PALM2AKAP2: variants seen among roughly 807,000 people sequenced by gnomAD.
PALM2AKAP2 encodes PALM2-AKAP2 fusion protein.
PALM2AKAP2 carries 37 observed loss-of-function variants against 71.5 expected under a neutral mutation model. That is an observed-to-expected ratio of 0.52 (90% confidence interval 0.40 to 0.68). PALM2AKAP2 has a LOEUF of 0.68. PALM2AKAP2 is among the 30% of genes least tolerant of loss of function. The pLI, the probability that PALM2AKAP2 is intolerant of heterozygous loss-of-function variation, is 0.00. For missense variants in PALM2AKAP2, 1,224 were observed against 1,191.8 expected, an observed-to-expected ratio of 1.03 and a Z score of -0.40; for synonymous variants, 468 against 478.8, an observed-to-expected ratio of 0.98 and a Z score of 0.29.
At chr9:109,987,504 T>A (rs1249443627) in intron 6 of PALM2AKAP2, among the ~76,000 whole-genome samples, 2 of 152,214 alleles carry the variant, frequency 1.3e-5, no homozygotes, top group East Asian at 3.8e-4. Context: ...ACTTGCTATC[T>A]TTTGGGCATT....
chr9:109,760,016 G>A lies in PALM2AKAP2; in HGVS notation c.6-20472G>A, dbSNP rs186651596. ...CAAAATGAAGATACAGAACATTTCC[G>A]TCACCACAGTGTTCTCTTGGTACTT... On this transcript the variant is annotated intron_variant, in intron 1 of 6. Transcript: ENST00000374531. 2.8e-4 allele frequency among the ~76,000 whole-genome samples: 43 copies of A among 152,096 alleles called. No individual in the cohort carries two copies. In the East Asian group the frequency reaches 2.9e-3, roughly 10 times the overall value.
intron 1 of PALM2AKAP2, among the ~76,000 whole-genome samples, chr9:109,704,760 A>C (rs767006645): frequency 5.9e-5 from 9 of 152,162 alleles, no homozygotes; most frequent in Non-Finnish European, 1.2e-4. Context: ...TGAGAACAAC[A>C]TAAAACAATA....
At chr9:109,669,794 C>G (rs1479480678) in intron 1 of PALM2AKAP2, among the ~76,000 whole-genome samples, 1 of 151,828 alleles carries the variant, frequency 6.6e-6, no homozygotes, top group Admixed American at 6.6e-5. Context: ...ACTGATGCCC[C>G]CTTTCATTCC....
chr9:109,947,344 G>T (rs1831532376), intron 6 of PALM2AKAP2, among the ~76,000 whole-genome samples: 1 of 152,234 alleles, frequency 6.6e-6, no homozygotes, highest in East Asian at 1.9e-4. Flanking sequence ...AAGTATAAGA[G>T]AGAGTTTCCT....
At chr9:110,039,246 C>T (rs1588072313) in intron 7 of PALM2AKAP2, among the ~76,000 whole-genome samples, 1 of 152,136 alleles carries the variant, frequency 6.6e-6, no homozygotes, top group East Asian at 1.9e-4. Context: ...GAGACCCTCT[C>T]TCAATAAATA....
At chr9:110,090,121 CA>C in intron 1 of PALM2AKAP2, 1 of 284,182 alleles carries the variant, frequency 3.5e-6, no homozygotes, top group Non-Finnish European at 7.1e-6. Context: ...AACATGGTTC[CA>C]AAGTGTACCT....
intron 2 of PALM2AKAP2, among the ~76,000 whole-genome samples, chr9:109,879,682 C>A (rs1829802354): frequency 2.0e-5 from 3 of 149,816 alleles, no homozygotes. Context: ...AGTACACTTG[C>A]AAACATGGGA....
chr9:110,006,555 G>A (rs1006366543), intron 6 of PALM2AKAP2, among the ~76,000 whole-genome samples: 3 of 151,746 alleles, frequency 2.0e-5, no homozygotes, highest in Admixed American at 2.0e-4. Context: ...TAGAGATGGG[G>A]TCTCGCCATG....
At chr9:109,640,838 C>A in exon 1 of PALM2AKAP2, 3 of 1,517,020 alleles carry the variant, frequency 2.0e-6, no homozygotes, top group Non-Finnish European at 2.6e-6. Context: ...CCCGCAGCAG[C>A]GCACCCGGCC....
At chr9:109,816,540 A>G (rs1317297180) in intron 1 of PALM2AKAP2, among the ~76,000 whole-genome samples, 2 of 152,208 alleles carry the variant, frequency 1.3e-5, no homozygotes. Flanking sequence ...TGATGAGGCC[A>G]GATTTCAGCC....
In PALM2AKAP2 at chr9:110,016,228, G is replaced by A. The variant is rs1832978323; in HGVS notation, c.582+189G>A. On this transcript the variant is annotated intron_variant, in intron 7 of 9. Coordinates refer to the PALM2AKAP2 transcript ENST00000302798. ...GAAATTTGGGATCTGGTCTACAGCC[G>A]TACCACCCTGAATATGCCCGACCTC... Among the ~76,000 whole-genome samples, 4 of 152,102 alleles carry A rather than the reference G, an allele frequency of 2.6e-5. No individual in the cohort carries two copies. The South Asian group carries it at 6.2e-4, about 24-fold the overall frequency.
At chr9:109,652,890 G>A (rs1827245812) in intron 1 of PALM2AKAP2, among the ~76,000 whole-genome samples, 2 of 152,174 alleles carry the variant, frequency 1.3e-5, no homozygotes, top group African/African-American at 4.8e-5. Context: ...CATAGCCTTG[G>A]GGCAGGAGCC....
intron 1 of PALM2AKAP2, among the ~76,000 whole-genome samples, chr9:109,807,981 CTT>C (rs1283129158): frequency 6.6e-6 from 1 of 152,216 alleles, no homozygotes; most frequent in African/African-American, 2.4e-5. Context: ...TTTGCTTGCC[CTT>C]CTGCCATGAT....
At chr9:110,035,506 A>G in intron 7 of PALM2AKAP2, among the ~76,000 whole-genome samples, 1 of 144,152 alleles carries the variant, frequency 6.9e-6, no homozygotes, top group East Asian at 2.0e-4. Context: ...TATATATGAT[A>G]TGTTGTGTGT....
At chr9:110,057,524 G>C (rs539371617) in intron 1 of PALM2AKAP2, among the ~76,000 whole-genome samples, 1 of 151,940 alleles carries the variant, frequency 6.6e-6, no homozygotes, top group African/African-American at 2.4e-5. Context: ...GTCTACAGGC[G>C]CGTGCCACCA....
chr9:109,952,256 C>T (rs1185653998), intron 6 of PALM2AKAP2, among the ~76,000 whole-genome samples: 1 of 152,170 alleles, frequency 6.6e-6, no homozygotes, highest in African/African-American at 2.4e-5. Flanking sequence ...TTTGCCAACC[C>T]CTGGCCTCAA....
At chr9:110,040,697 G>T (rs145484102) in intron 7 of PALM2AKAP2, among the ~76,000 whole-genome samples, 2 of 152,198 alleles carry the variant, frequency 1.3e-5, no homozygotes, top group African/African-American at 4.8e-5. Context: ...ATAATTTCCT[G>T]TTTTATCCAA....
intron 1 of PALM2AKAP2, among the ~76,000 whole-genome samples, chr9:109,738,735 C>T (rs1828674859): frequency 6.6e-6 from 1 of 152,156 alleles, no homozygotes; most frequent in African/African-American, 2.4e-5. Context: ...TTACACCATG[C>T]CCAGAGATAC....
At position 109,780,552 on chromosome 9, in the gene PALM2AKAP2, T is replaced by G. The variant is rs764140195; in HGVS notation, c.45+19T>G. 2 of 1,613,466 alleles carry G rather than the reference T, an allele frequency of 1.2e-6. No homozygotes were observed. The highest frequency in any genetic ancestry group is 8.5e-7 in the Non-Finnish European group (1 of 1,179,930). ...CATAGCAGTAAGTCCACTTTCATTT[T>G]ATTTTCTTGCTCTATTGTCTGGGGT... is the stretch of plus-strand genomic sequence containing the variant. On this transcript the variant is annotated intron_variant, in intron 1 of 9. Transcript: ENST00000302798.
Sources: allele counts gnomAD v4.1 joint callset (sites outside exome capture counted in the v4.1 genomes callset), GRCh38; gene constraint gnomAD v4.1.1; transcripts MANE v1.5; gene names NCBI Gene and HGNC (gene_info 2026-07-23, HGNC 2026-07-21).